The following COX17 variants were observed in gnomAD, a reference collection of about 807,000 sequenced individuals.
The protein encoded by COX17 is cytochrome c oxidase copper chaperone.
COX17 carries 1 observed loss-of-function variant against 6.3 expected under a neutral mutation model. That is an observed-to-expected ratio of 0.16 (90% CI 0.06 to 0.75). The LOEUF (loss-of-function observed/expected upper bound fraction) is 0.75, where lower values mean the gene tolerates loss of function less well. Among genes scored for constraint, COX17 ranks in the 30% least tolerant of loss-of-function variants. COX17 has a pLI of 0.77. For missense variants in COX17, 73 were observed against 81.2 expected (o/e 0.90, Z 0.39); for synonymous variants, 26 against 30.5 (o/e 0.85, Z 0.49).
chr3:119,664,039 A>G (rs1461333773), intron 3 of COX17, among the ~76,000 whole-genome samples: 1 of 152,234 alleles, frequency 6.6e-6, no homozygotes, highest in Admixed American at 6.5e-5. Context: ...ATGTGTTCCA[A>G]GAACAGGGGA....
intron 1 of COX17, chr3:119,676,703 G>T (rs1476594453): frequency 6.4e-6 from 4 of 620,706 alleles, no homozygotes; most frequent in Non-Finnish European, 1.2e-5. Context: ...TTCCTGTTTG[G>T]TCTTAACAAA....
At chr3:119,673,176 TTC>T (rs1359609733) in intron 2 of COX17, among the ~76,000 whole-genome samples, 6 of 152,258 alleles carry the variant, frequency 3.9e-5, no homozygotes, top group Non-Finnish European at 1.5e-5. Flanking sequence ...GAGGCTCCAG[TTC>T]TGATACTGCA....
At chr3:119,676,901 CCTCT>C in intron 1 of COX17, 2 of 702,812 alleles carry the variant, frequency 2.8e-6, no homozygotes, top group South Asian at 3.0e-5. Flanking sequence ...TTGCCGTTCT[CCTCT>C]CTCTCCATCG....
intron 1 of COX17, 41 bp from the exon 2 acceptor site, chr3:119,675,274 G>A (rs1365610970): frequency 2.2e-6 from 3 of 1,373,098 alleles, no homozygotes; most frequent in Middle Eastern, 1.8e-4. Context: ...TATGCATTAA[G>A]CACATTATTA....
At position 119,675,146 on chromosome 3, in the gene COX17, A is replaced by G. The variant is rs2053086915; in HGVS notation, c.*3T>C. 6.2e-7 allele frequency: 1 copy of G among 1,605,026 alleles called. No individual in the cohort carries two copies. The highest frequency in any genetic ancestry group is 1.1e-5 in the South Asian group (1 of 90,894). ...ACAACTTTGAAGCAAGAAGCTTACC[A>G]TTTCATATTTTAAATCCTAGGGCTC... On this transcript the variant is annotated splice_region_variant and 3_prime_UTR_variant, in exon 2 of 3. Transcript: ENST00000261070.
chr3:119,673,439 C>T (rs565128652), intron 2 of COX17, among the ~76,000 whole-genome samples: 4 of 152,238 alleles, frequency 2.6e-5, no homozygotes, highest in South Asian at 4.1e-4. Context: ...AGCCACTAGC[C>T]ACATGTAGCT....
intron 2 of COX17, among the ~76,000 whole-genome samples, chr3:119,672,984 G>C (rs973247765): frequency 1.3e-5 from 2 of 152,192 alleles, no homozygotes; most frequent in African/African-American, 2.4e-5. Flanking sequence ...AGGAAGACTG[G>C]CCATATGTGA....
chr3:119,664,624 G>A (rs1244194574), downstream of COX17, among the ~76,000 whole-genome samples: 3 of 152,222 alleles, frequency 2.0e-5, no homozygotes, highest in African/African-American at 7.2e-5. Context: ...GTCAACAAGT[G>A]TGGTCATGAA....
chr3:119,676,942 G>A, intron 1 of COX17: 2 of 689,820 alleles, frequency 2.9e-6, no homozygotes, highest in East Asian at 2.7e-5. Context: ...TACGGGATAA[G>A]TCAACAGAGA....
intron 1 of COX17, chr3:119,676,609 A>G: frequency 2.3e-6 from 1 of 434,714 alleles, no homozygotes; most frequent in Non-Finnish European, 4.2e-6. Flanking sequence ...TTGAAGCGTA[A>G]CTCTTCAGAA....
At position 119,675,190 on chromosome 3, in the gene COX17, C is replaced by T. The variant is rs1356517710; in HGVS notation, c.151G>A (p.Ala51Thr). 40 of 1,613,350 alleles carry T rather than the reference C, an allele frequency of 2.5e-5. No homozygotes were observed. Among genetic ancestry groups the T allele is most frequent in the Non-Finnish European group, 3.3e-5 (39 of 1,179,530 alleles). Residue 51 changes from alanine (A) to threonine (T), a missense_variant, in exon 2 of 3, where the codon GCC becomes ACC. Transcript: ENST00000261070. Reference protein sequence around the residue: ...GEEHCGHLIEAHKECMRALGF... With the variant: ...GEEHCGHLIETHKECMRALGF... ...AGGGCTCTCATGCATTCCTTGTGGGCCTCAATTAGATGTCCACAGTGTTCT... is the reference window on the plus strand; with the variant it reads ...AGGGCTCTCATGCATTCCTTGTGGGTCTCAATTAGATGTCCACAGTGTTCT...
At chr3:119,672,961 T>C (rs1443709867) in intron 2 of COX17, among the ~76,000 whole-genome samples, 1 of 152,244 alleles carries the variant, frequency 6.6e-6, no homozygotes, top group African/African-American at 2.4e-5. Flanking sequence ...CCCTCCTTTT[T>C]TATAGCTCAG....
At position 119,676,224 on chromosome 3, in the gene COX17, C is replaced by T. The variant is rs185782011; in HGVS notation, c.107+980G>A. Among the ~76,000 whole-genome samples, 645 of 152,296 alleles carry T rather than the reference C, an allele frequency of 4.2e-3. 29 individuals are homozygous for T. Among genetic ancestry groups the T allele is most frequent in the Admixed American group, 0.041 (629 of 15,304 alleles). On this transcript the variant is annotated intron_variant, in intron 1 of 2. Coordinates refer to ENST00000261070, the MANE Select transcript of COX17 (RefSeq NM_005694.2). ...CCAGACTCTTAATCATGCTGTCATA[C>T]CATTCAAGGTTCAACAGCACTTACT...
At chr3:119,675,356 C>T (rs967465645) in intron 1 of COX17, 123 bp from the exon 2 acceptor site, 82 of 668,086 alleles carry the variant, frequency 1.2e-4, no homozygotes, top group African/African-American at 4.1e-4. Flanking sequence ...TTAAAACAAA[C>T]GCTATTACCT....
At chr3:119,665,702 G>A (rs1335875123), downstream of COX17, among the ~76,000 whole-genome samples, 1 of 152,284 alleles carries the variant, frequency 6.6e-6, no homozygotes, top group Non-Finnish European at 1.5e-5. Flanking sequence ...GCACCACTGA[G>A]CCACTATCTC....
At position 119,672,680 on chromosome 3, in the gene COX17, C is replaced by T. The variant is rs186339143; in HGVS notation, c.*4+2465G>A. ...TTCATTATGGGATTTCTTTAAATAACCATCTATTCTAAAAGCAACTTAAGT... is the reference window on the plus strand; with the variant it reads ...TTCATTATGGGATTTCTTTAAATAATCATCTATTCTAAAAGCAACTTAAGT... On this transcript the variant is annotated intron_variant, in intron 2 of 2. Coordinates refer to ENST00000261070, the MANE Select transcript of COX17 (RefSeq NM_005694.2). Among the ~76,000 whole-genome samples the T allele has an allele frequency of 6.6e-4, 101 of 152,268 alleles. 1 individual carries two copies. In the Middle Eastern group the frequency reaches 0.024, roughly 36 times the overall value.
chr3:119,674,915 T>C (rs561934245), intron 2 of COX17: 4 of 478,716 alleles, frequency 8.4e-6, no homozygotes, highest in African/African-American at 5.8e-5. Flanking sequence ...ACCTAAAGGC[T>C]TTTGTCAAAC....
At chr3:119,667,801 CT>C (rs1163272531), downstream of COX17, among the ~76,000 whole-genome samples, 8 of 151,702 alleles carry the variant, frequency 5.3e-5, no homozygotes, top group Non-Finnish European at 1.2e-4. Context: ...TTTCAGATTT[CT>C]TCCTTATTAT....
downstream of COX17, chr3:119,666,865 A>T (rs1276300866): frequency 6.6e-6 from 1 of 152,196 alleles, no homozygotes; most frequent in Non-Finnish European, 1.5e-5. Flanking sequence ...CTACAAATAC[A>T]TGATGTTTAT....
Sources: allele counts gnomAD v4.1 joint callset (sites outside exome capture counted in the v4.1 genomes callset), GRCh38; gene constraint gnomAD v4.1.1; transcripts MANE v1.5; gene names NCBI Gene and HGNC (gene_info 2026-07-23, HGNC 2026-07-21).